The following ATAD2B variants were observed in gnomAD, a reference collection of about 807,000 sequenced individuals.
ATAD2B encodes ATPase family AAA domain containing 2B.
Under a neutral mutation model 167.6 loss-of-function variants are expected in ATAD2B, and 40 were observed. The ratio of observed to expected loss-of-function variants is 0.24; its 90% confidence interval spans 0.19 to 0.31. The LOEUF (loss-of-function observed/expected upper bound fraction) is 0.31. Ranked by LOEUF, ATAD2B falls within the 10% of genes least tolerant of loss-of-function variation. The probability of loss-of-function intolerance (pLI) is 1.00; values close to 1 mark genes in which losing one functional copy is unlikely to be tolerated. For synonymous variants in ATAD2B, 579 were observed against 596.5 expected, an observed-to-expected ratio of 0.97 and a Z score of 0.43; for missense variants, 1,242 against 1,757.2, an observed-to-expected ratio of 0.71 and a Z score of 5.24.
At chr2:23,904,573 T>C (rs1258087925) in intron 1 of ATAD2B, among the ~76,000 whole-genome samples, 1 of 147,916 alleles carries the variant, frequency 6.8e-6, no homozygotes, top group Non-Finnish European at 1.5e-5. Context: ...AAAGACAACC[T>C]GGCTTCTTAT....
At chr2:23,860,875 G>C (rs1297050450) in intron 12 of ATAD2B, among the ~76,000 whole-genome samples, 4 of 152,108 alleles carry the variant, frequency 2.6e-5, no homozygotes, top group African/African-American at 7.2e-5. Flanking sequence ...GGAGACTAAG[G>C]CAGGAGAATC....
At chr2:23,873,454 T>C (rs970128182) in intron 8 of ATAD2B, among the ~76,000 whole-genome samples, 5 of 152,220 alleles carry the variant, frequency 3.3e-5, no homozygotes, top group Admixed American at 6.5e-5. Context: ...AAAAATAGTA[T>C]AGTGTTTGCA....
intron 18 of ATAD2B, among the ~76,000 whole-genome samples, chr2:23,799,004 A>G (rs1003901933): frequency 6.6e-6 from 1 of 152,218 alleles, no homozygotes; most frequent in Non-Finnish European, 1.5e-5. Context: ...TCTTAACCAT[A>G]GTTTCAATCA....
intron 6 of ATAD2B, among the ~76,000 whole-genome samples, chr2:23,883,312 C>G (rs1199244816): frequency 2.7e-5 from 4 of 146,376 alleles, no homozygotes; most frequent in African/African-American, 1.0e-4. Context: ...CTGCCAAGGA[C>G]TTTATATTTT....
At chr2:23,883,831 T>C (rs960357601) in intron 6 of ATAD2B, among the ~76,000 whole-genome samples, 2 of 152,198 alleles carry the variant, frequency 1.3e-5, no homozygotes, top group African/African-American at 4.8e-5. Context: ...CTGAATCTTC[T>C]GAAAATCCAT....
intron 22 of ATAD2B, among the ~76,000 whole-genome samples, chr2:23,771,435 T>C (rs1678305363): frequency 6.6e-6 from 1 of 152,228 alleles, no homozygotes; most frequent in South Asian, 2.1e-4. Context: ...GTAGGCTTTT[T>C]GTAGACATCA....
chr2:23,687,258 C>T, the ATAD2B span, among the ~76,000 whole-genome samples: 3 of 152,150 alleles, frequency 2.0e-5, no homozygotes, highest in Non-Finnish European at 4.4e-5. Flanking sequence ...CTGGGTGAGC[C>T]CTGCCAGGGG....
chr2:23,918,976 T>C (rs1412104724), intron 1 of ATAD2B, among the ~76,000 whole-genome samples: 2 of 152,188 alleles, frequency 1.3e-5, no homozygotes, highest in African/African-American at 2.4e-5. Flanking sequence ...CTGGCACGTA[T>C]GAGATGCTAA....
chr2:23,761,778 C>T (rs1236782676), intron 24 of ATAD2B, among the ~76,000 whole-genome samples: 1 of 152,124 alleles, frequency 6.6e-6, no homozygotes, highest in Non-Finnish European at 1.5e-5. Context: ...AAACTGAACA[C>T]AAAATAGTCT....
intron 13 of ATAD2B, among the ~76,000 whole-genome samples, chr2:23,834,587 C>CA (rs35619701): frequency 1.3e-5 from 2 of 150,184 alleles, no homozygotes. Context: ...CCTTGGCAAC[C>CA]AAAAAAAAAA....
chr2:23,870,251 A>T (rs1176117905), intron 8 of ATAD2B, among the ~76,000 whole-genome samples: 3 of 149,952 alleles, frequency 2.0e-5, no homozygotes, highest in Admixed American at 6.7e-5. Context: ...AGTTTTTTTT[A>T]AAAGAATAAT....
At chr2:23,686,634 A>G in the ATAD2B span, among the ~76,000 whole-genome samples, 2 of 152,140 alleles carry the variant, frequency 1.3e-5, no homozygotes, top group African/African-American at 2.4e-5. Context: ...GAGCAGGTCC[A>G]CAGGCCAGTG....
At chr2:23,888,822 C>A (rs1699058414) in intron 2 of ATAD2B, among the ~76,000 whole-genome samples, 1 of 152,156 alleles carries the variant, frequency 6.6e-6, no homozygotes, top group Non-Finnish European at 1.5e-5. Flanking sequence ...ATACCAATAT[C>A]ATTTAATAAT....
At chr2:23,897,607 T>C (rs1288343865) in intron 1 of ATAD2B, among the ~76,000 whole-genome samples, 1 of 152,232 alleles carries the variant, frequency 6.6e-6, no homozygotes, top group Non-Finnish European at 1.5e-5. Flanking sequence ...CTTATTTTAT[T>C]CTACAAATTA....
Position 23,810,486 on chromosome 2 carries a change from G to C in ATAD2B, c.2284C>G (p.Pro762Ala), listed in dbSNP as rs1414332638. The C allele has an allele frequency of 6.2e-7, 1 of 1,613,566 alleles. No individual in the cohort carries two copies. The highest frequency in any genetic ancestry group is 1.6e-4 in the Middle Eastern group (1 of 6,062). ...LHFTMSPYHQ[P>A]TSYRPRLLLS... The stretch of plus-strand genomic sequence containing the variant: ...AATAAGCGTGGCCTGTAAGAGGTTG[G>C]CTGATGATATGGTGACCTGTAATAC... Residue 762 changes from proline to alanine, a missense_variant, in exon 18 of 28, where the codon CCA (proline) becomes GCA (alanine). Pro to Ala is a conservative substitution (Grantham distance 27, BLOSUM62 -1). Coordinates refer to ENST00000238789, the MANE Select transcript of ATAD2B (RefSeq NM_017552.4).
At chr2:23,706,643 G>A in the ATAD2B span, 8 of 1,531,406 alleles carry the variant, frequency 5.2e-6, no homozygotes, top group Non-Finnish European at 7.0e-6. Flanking sequence ...TCGTGATAAA[G>A]AAATATATTC....
the ATAD2B span, among the ~76,000 whole-genome samples, chr2:23,705,409 T>C: frequency 1.3e-5 from 2 of 152,088 alleles, no homozygotes; most frequent in Admixed American, 6.5e-5. Context: ...GGAGAATTGC[T>C]TGAACCTGGG....
chr2:23,892,173 C>A (rs1449432225), intron 2 of ATAD2B, among the ~76,000 whole-genome samples: 3 of 151,706 alleles, frequency 2.0e-5, no homozygotes, highest in Non-Finnish European at 2.9e-5. Flanking sequence ...TCTTTTTTTT[C>A]TTTTTCTTGA....
At chr2:23,792,269 G>C (rs1313175798) in intron 19 of ATAD2B, among the ~76,000 whole-genome samples, 1 of 151,756 alleles carries the variant, frequency 6.6e-6, no homozygotes, top group South Asian at 2.1e-4. Context: ...GGATGGTCTC[G>C]ATCTCCTGAC....
Sources: allele counts gnomAD v4.1 joint callset (sites outside exome capture counted in the v4.1 genomes callset), GRCh38; gene constraint gnomAD v4.1.1; transcripts MANE v1.5; gene names NCBI Gene and HGNC (gene_info 2026-07-23, HGNC 2026-07-21).